The following DAB1 variants were observed in gnomAD, a reference collection of about 807,000 sequenced individuals.
DAB1 encodes the protein DAB adaptor protein 1, also known as disabled homolog 1.
In DAB1, 15 loss-of-function variants were observed where a neutral mutation model predicts 64.6. That is an observed-to-expected ratio of 0.23 (90% CI 0.16 to 0.36). The LOEUF is 0.36. DAB1 is among the 10% of genes least tolerant of loss of function. The pLI is 1.00. For synonymous variants in DAB1, 235 were observed against 251.9 expected (o/e 0.93, Z 0.64); for missense variants, 596 against 706.7 (o/e 0.84, Z 1.78).
chr1:57,708,391 C>G (rs1223877241), intron 6 of DAB1, among the ~76,000 whole-genome samples: 1 of 152,226 alleles, frequency 6.6e-6, no homozygotes, highest in African/African-American at 2.4e-5. Flanking sequence ...TGGAAGGAGT[C>G]TCTCCTGGAG....
At chr1:57,314,775 C>CAA (rs1232610385) in intron 1 of DAB1, among the ~76,000 whole-genome samples, 2 of 150,856 alleles carry the variant, frequency 1.3e-5, no homozygotes, top group African/African-American at 4.9e-5. Flanking sequence ...ACAAAACACA[C>CAA]ACACACACAC....
chr1:57,467,851 G>T (rs991843091), intron 7 of DAB1, among the ~76,000 whole-genome samples: 1 of 152,170 alleles, frequency 6.6e-6, no homozygotes, highest in African/African-American at 2.4e-5. Flanking sequence ...ACTTGAGCTG[G>T]TATTAAAAGA....
At chr1:57,997,402 T>G (rs747599852) in intron 5 of DAB1, among the ~76,000 whole-genome samples, 8 of 152,208 alleles carry the variant, frequency 5.3e-5, no homozygotes, top group African/African-American at 7.2e-5. Context: ...GTTGCCTGCT[T>G]GGCCCTCTTC....
At chr1:57,602,173 T>C (rs1053257495) in intron 7 of DAB1, among the ~76,000 whole-genome samples, 3 of 152,208 alleles carry the variant, frequency 2.0e-5, no homozygotes, top group African/African-American at 7.2e-5. Context: ...TTTTCTTCCA[T>C]AAATCTCCTA....
intron 2 of DAB1, chr1:58,527,239 T>G (rs759781690): frequency 3.4e-6 from 3 of 871,204 alleles, no homozygotes; most frequent in Non-Finnish European, 6.0e-6. Flanking sequence ...CATTATGTAT[T>G]CTCAACTACT....
At chr1:57,332,959 G>A (rs2100802599) in intron 1 of DAB1, among the ~76,000 whole-genome samples, 1 of 152,290 alleles carries the variant, frequency 6.6e-6, no homozygotes. Flanking sequence ...TCTACTTGCT[G>A]TCTTATCTGT....
At chr1:57,073,903 G>A (rs773715427) in intron 4 of DAB1, among the ~76,000 whole-genome samples, 6 of 152,114 alleles carry the variant, frequency 3.9e-5, no homozygotes, top group Non-Finnish European at 8.8e-5. Flanking sequence ...TTGAGACAGG[G>A]TCTCACCCTG....
chr1:57,843,337 AT>A lies in DAB1; in HGVS notation n.88-16883del, dbSNP rs1468821446. On this transcript the variant is annotated intron_variant and non_coding_transcript_variant, in intron 1 of 1. Transcript: ENST00000477280. Reference sequence around the variant, plus strand: ...TAGCAAGAATGTAGGTTTTAGATTTATGCTCAGTCAAGTTTGAATTCTTCTT... The same window carrying A: ...TAGCAAGAATGTAGGTTTTAGATTTAGCTCAGTCAAGTTTGAATTCTTCTT... Among the ~76,000 whole-genome samples the A allele has an allele frequency of 5.3e-5, 8 of 152,322 alleles. No individual in the cohort carries two copies. In the South Asian group the frequency reaches 1.7e-3, roughly 32 times the overall value.
At chr1:57,609,107 C>T (rs1645694786) in intron 7 of DAB1, among the ~76,000 whole-genome samples, 1 of 152,176 alleles carries the variant, frequency 6.6e-6, no homozygotes, top group African/African-American at 2.4e-5. Flanking sequence ...TTGTTCTCAG[C>T]ATGGCCCCAA....
Position 57,664,049 on chromosome 1 carries a change from G to A in DAB1, n.552-14384C>T, listed in dbSNP as rs116737368. The stretch of plus-strand genomic sequence containing the variant: ...CAGTTCTGCAACTTCACTGCTGTGT[G>A]ACCTAGGACAAACCCTCAACTGTTC... On this transcript the variant is annotated intron_variant and non_coding_transcript_variant, in intron 6 of 20. Transcript: ENST00000485760. Among the ~76,000 whole-genome samples the A allele has an allele frequency of 1.7e-3, 252 of 152,276 alleles. 1 individual carries two copies. Among genetic ancestry groups the A allele is most frequent in the African/African-American group, 5.9e-3 (244 of 41,554 alleles).
chr1:57,611,224 T>G (rs1438007526), intron 7 of DAB1, among the ~76,000 whole-genome samples: 4 of 143,658 alleles, frequency 2.8e-5, no homozygotes, highest in East Asian at 4.5e-4. Context: ...CCAGGTAGAC[T>G]CCAAGAGTTA....
intron 9 of DAB1, among the ~76,000 whole-genome samples, chr1:57,058,496 G>C (rs1650059545): frequency 6.6e-6 from 1 of 152,150 alleles, no homozygotes; most frequent in Non-Finnish European, 1.5e-5. Flanking sequence ...GATGCTTACT[G>C]TAATGAGGAC....
chr1:57,230,704 C>A (rs904137354), intron 2 of DAB1, among the ~76,000 whole-genome samples: 4 of 151,930 alleles, frequency 2.6e-5, no homozygotes, highest in African/African-American at 9.7e-5. Flanking sequence ...GTGTAATGAT[C>A]AAATCAGGGA....
intron 2 of DAB1, among the ~76,000 whole-genome samples, chr1:57,221,552 C>T (rs1239781850): frequency 6.6e-6 from 1 of 152,024 alleles, no homozygotes; most frequent in African/African-American, 2.4e-5. Context: ...CTATGATACT[C>T]TGGAATTGAA....
chr1:58,399,147 G>A (rs532798475), intron 3 of DAB1, among the ~76,000 whole-genome samples: 1 of 152,328 alleles, frequency 6.6e-6, no homozygotes, highest in East Asian at 1.9e-4. Flanking sequence ...AAGTCAGCAT[G>A]GGAGACAGGC....
intron 3 of DAB1, among the ~76,000 whole-genome samples, chr1:58,360,445 T>G (rs1482658871): frequency 1.3e-5 from 2 of 152,162 alleles, no homozygotes; most frequent in African/African-American, 4.8e-5. Flanking sequence ...ACACATTACA[T>G]TGATACGGAT....
rs185252471 is a variant in DAB1, at chr1:57,868,716, C to T, written n.87+15283G>A. 3.3e-5 allele frequency among the ~76,000 whole-genome samples: 5 copies of T among 152,216 alleles called. No homozygotes were observed. The East Asian group carries it at 5.8e-4, about 18-fold the overall frequency. On this transcript the variant is annotated intron_variant and non_coding_transcript_variant, in intron 1 of 1. Coordinates refer to the DAB1 transcript ENST00000477280. ...TTGTTCTCAGTGTTATTCCCAGAGGCTATCACGGTGCCTGACACATAGTAG... is the reference window on the plus strand; with the variant it reads ...TTGTTCTCAGTGTTATTCCCAGAGGTTATCACGGTGCCTGACACATAGTAG...
At chr1:57,626,638 T>G (rs757255392) in intron 7 of DAB1, among the ~76,000 whole-genome samples, 20 of 152,162 alleles carry the variant, frequency 1.3e-4, no homozygotes, top group Non-Finnish European at 2.4e-4. Context: ...TAAATTTATT[T>G]TTCATAGTTC....
intron 6 of DAB1, among the ~76,000 whole-genome samples, chr1:57,711,389 T>G (rs760091291): frequency 7.2e-5 from 11 of 152,194 alleles, no homozygotes; most frequent in Admixed American, 3.9e-4. Context: ...CACCTTATTC[T>G]TAAGGTGTGG....
Sources: gnomAD v4.1 joint callset for allele counts (sites outside exome capture counted in the v4.1 genomes callset) on GRCh38, gnomAD v4.1.1 for gene constraint, MANE v1.5 for transcripts, NCBI Gene and HGNC (gene_info 2026-07-23, HGNC 2026-07-21) for gene names.